PKNOX1: variants seen among roughly 807,000 people sequenced by gnomAD.
PKNOX1 encodes homeobox protein PKNOX1.
In PKNOX1, 15 loss-of-function variants were observed where a neutral mutation model predicts 51.9. The observed-to-expected ratio is 0.29, with a 90% confidence interval of 0.19 to 0.45. The LOEUF (loss-of-function observed/expected upper bound fraction) is 0.45. PKNOX1 is among the 20% of genes least tolerant of loss of function. The pLI, the probability that PKNOX1 is intolerant of heterozygous loss-of-function variation, is 1.00. For missense variants in PKNOX1, 462 were observed against 547.5 expected (o/e 0.84, Z 1.56); for synonymous variants, 219 against 211.1 (o/e 1.04, Z -0.32).
intron 5 of PKNOX1, among the ~76,000 whole-genome samples, chr21:43,014,165 G>GC (rs1979380338): frequency 6.6e-6 from 1 of 151,860 alleles, no homozygotes; most frequent in Non-Finnish European, 1.5e-5. Context: ...GGGACTACAG[G>GC]TGCCTGCCAC....
intron 7 of PKNOX1, among the ~76,000 whole-genome samples, chr21:43,019,755 T>G (rs1489670050): frequency 3.9e-5 from 6 of 152,200 alleles, no homozygotes; most frequent in Middle Eastern, 3.4e-3. Flanking sequence ...TTGGCCAGTC[T>G]GGTCTCGAAA....
chr21:42,975,328 C>G (rs2058989291), intron 1 of PKNOX1, among the ~76,000 whole-genome samples: 2 of 150,608 alleles, frequency 1.3e-5, no homozygotes, highest in South Asian at 4.2e-4. Context: ...GGCCCTCAGC[C>G]GGGCGCCGGC....
chr21:43,004,256 G>A, intron 1 of PKNOX1, 70 bp from the exon 2 acceptor site: 1 of 666,964 alleles, frequency 1.5e-6, no homozygotes, highest in South Asian at 1.7e-5. Flanking sequence ...AAAATTTGAT[G>A]TTATGGAATG....
At chr21:43,000,121 A>G (rs568921521) in intron 1 of PKNOX1, among the ~76,000 whole-genome samples, 1 of 152,036 alleles carries the variant, frequency 6.6e-6, no homozygotes, top group African/African-American at 2.4e-5. Flanking sequence ...ACAAGTCTCT[A>G]GGAAGTTCCA....
intron 1 of PKNOX1, among the ~76,000 whole-genome samples, chr21:42,975,205 G>A (rs1310084158): frequency 6.7e-6 from 1 of 148,444 alleles, no homozygotes; most frequent in Admixed American, 6.7e-5. Flanking sequence ...CGGAGGGTGC[G>A]GGGCGCGCGG....
At chr21:42,977,429 TG>T (rs558135892) in intron 1 of PKNOX1, among the ~76,000 whole-genome samples, 38 of 152,066 alleles carry the variant, frequency 2.5e-4, no homozygotes, top group Admixed American at 7.9e-4. Flanking sequence ...CTGGATAACC[TG>T]GTGTTGCTTT....
intron 1 of PKNOX1, among the ~76,000 whole-genome samples, chr21:42,997,935 G>A (rs1272727493): frequency 2.6e-5 from 4 of 152,186 alleles, no homozygotes; most frequent in Admixed American, 2.0e-4. Context: ...TGATGCCTGA[G>A]GGTGAGGGTT....
At chr21:43,016,226 G>A (rs1209523133) in intron 5 of PKNOX1, among the ~76,000 whole-genome samples, 1 of 152,228 alleles carries the variant, frequency 6.6e-6, no homozygotes, top group African/African-American at 2.4e-5. Context: ...GCCCACCCAG[G>A]CGTCACAGTC....
intron 2 of PKNOX1, 85 bp downstream of exon 2, chr21:43,004,517 A>T: frequency 1.1e-6 from 1 of 906,312 alleles, no homozygotes; most frequent in Non-Finnish European, 1.9e-6. Context: ...TTGCAATTCA[A>T]TTGCCATGAG....
At position 43,004,407 on chromosome 21, in the gene PKNOX1, T is replaced by C; in HGVS notation, c.26T>C (p.Ile9Thr). The change falls in exon 2 of 11, where the codon ATA becomes ACA. Residue 9 changes from isoleucine to threonine, a missense_variant. Ile to Thr is a moderately conservative substitution (Grantham distance 89, BLOSUM62 -1). Around this residue, in one of 5 missense-constraint regions of PKNOX1, gnomAD observed 129 missense variants for 133.4 expected, o/e 0.97. Transcript: ENST00000291547. ...ATGATGGCTACACAGACATTAAGTA[T>C]AGACAGCTATCAAGATGGGCAACAG... MMATQTLS[I>T]DSYQDGQQMQ... 6.2e-7 allele frequency: 1 copy of C among 1,609,412 alleles called. No homozygotes were observed. The highest frequency in any genetic ancestry group is 8.5e-7 in the Non-Finnish European group (1 of 1,175,784).
At chr21:42,980,853 G>A (rs2059022228) in intron 1 of PKNOX1, among the ~76,000 whole-genome samples, 1 of 152,182 alleles carries the variant, frequency 6.6e-6, no homozygotes, top group Non-Finnish European at 1.5e-5. Context: ...GTAATTGAAG[G>A]AGTGCTACAT....
At chr21:42,994,437 A>C (rs1978402095) in intron 1 of PKNOX1, among the ~76,000 whole-genome samples, 1 of 137,260 alleles carries the variant, frequency 7.3e-6, no homozygotes, top group Non-Finnish European at 1.6e-5. Context: ...TTGGCTTCCC[A>C]AAATGCTAGT....
chr21:42,993,535 T>C (rs571172739), intron 1 of PKNOX1, among the ~76,000 whole-genome samples: 16 of 151,918 alleles, frequency 1.1e-4, no homozygotes, highest in African/African-American at 3.4e-4. Flanking sequence ...TTTTTTTTTT[T>C]CACAATTCTA....
At chr21:43,008,079 A>ACACACACACACACACACACACACACG in intron 3 of PKNOX1, among the ~76,000 whole-genome samples, 1 of 151,942 alleles carries the variant, frequency 6.6e-6, no homozygotes, top group South Asian at 2.1e-4. Flanking sequence ...ACACACACAC[A>ACACACACACACACACACACACACACG]CACACACACA....
At position 43,021,186 on chromosome 21, in the gene PKNOX1, C is replaced by A; in HGVS notation, c.721-117C>A. 1 of 794,944 alleles carries A rather than the reference C, an allele frequency of 1.3e-6. No individual in the cohort carries two copies. Among genetic ancestry groups the A allele is most frequent in the Non-Finnish European group, 2.0e-6 (1 of 506,242 alleles). The allele number at this position is 794,944 out of a possible 1,614,324, so 49.2% of individuals were successfully genotyped here. A position where few individuals can be genotyped will look rare whatever the true frequency, so the allele number is the denominator to read the frequency against. On this transcript the variant is annotated intron_variant, in intron 7 of 10. Coordinates refer to ENST00000291547, the MANE Select transcript of PKNOX1 (RefSeq NM_004571.5). The surrounding 1 kb of genome is among the most constrained non-coding windows in gnomAD (Gnocchi z 4.6). ...CCACACAGGGTTCCCGTGCATGGGC[C>A]TCGACTACAATCATTTCCCTGTCCG...
chr21:42,997,188 C>G (rs1178316681), intron 1 of PKNOX1, among the ~76,000 whole-genome samples: 1 of 152,090 alleles, frequency 6.6e-6, no homozygotes, highest in Non-Finnish European at 1.5e-5. Context: ...GCCCCATATG[C>G]TGTTTATTTC....
chr21:42,992,891 C>T (rs188888242), intron 1 of PKNOX1, among the ~76,000 whole-genome samples: 4 of 135,340 alleles, frequency 3.0e-5, no homozygotes, highest in South Asian at 2.4e-4. Context: ...GATATCATTG[C>T]GAGCTTCCTC....
At chr21:42,978,726 C>T (rs1334199462) in intron 1 of PKNOX1, among the ~76,000 whole-genome samples, 1 of 152,076 alleles carries the variant, frequency 6.6e-6, no homozygotes, top group Non-Finnish European at 1.5e-5. Context: ...TCAAATAATC[C>T]ACCCACCTTG....
At chr21:43,002,254 A>G (rs1405564657) in intron 1 of PKNOX1, among the ~76,000 whole-genome samples, 2 of 152,180 alleles carry the variant, frequency 1.3e-5, no homozygotes, top group Non-Finnish European at 2.9e-5. Flanking sequence ...TCCCTTGCTC[A>G]GAGTTTTAAT....
Sources: gnomAD v4.1 joint callset for allele counts (sites outside exome capture counted in the v4.1 genomes callset) on GRCh38, gnomAD v4.1.1 for gene constraint, gnomAD v4.1.1 regional missense constraint, Gnocchi (gnomAD v3.1) non-coding constraint, MANE v1.5 for transcripts, NCBI Gene and HGNC (gene_info 2026-07-23, HGNC 2026-07-21) for gene names.